The following SVOPL variants were observed in gnomAD, a reference collection of about 807,000 sequenced individuals.
SVOPL encodes SVOP like.
In SVOPL, 60 loss-of-function variants were observed where a neutral mutation model predicts 61.0. The ratio of observed to expected loss-of-function variants is 0.98; its 90% CI spans 0.80 to 1.22. SVOPL has a LOEUF of 1.22. Ranked by LOEUF, SVOPL falls within the 50% of genes most tolerant of loss-of-function variation. The pLI, the probability that SVOPL is intolerant of heterozygous loss-of-function variation, is 0.00. For missense variants in SVOPL, 662 were observed against 643.9 expected, an observed-to-expected ratio of 1.03 and a Z score of -0.30; for synonymous variants, 279 against 250.0, an observed-to-expected ratio of 1.12 and a Z score of -1.09.
At chr7:138,697,138 C>A (rs950972191) in intron 1 of SVOPL, among the ~76,000 whole-genome samples, 1 of 151,996 alleles carries the variant, frequency 6.6e-6, no homozygotes, top group Non-Finnish European at 1.5e-5. Flanking sequence ...TGGGATGCCA[C>A]GGTGGAAGGA....
At chr7:138,648,189 G>C (rs776367881) in intron 8 of SVOPL, among the ~76,000 whole-genome samples, 1 of 152,126 alleles carries the variant, frequency 6.6e-6, no homozygotes, top group South Asian at 2.1e-4. Context: ...CTGAAGGAGA[G>C]AGTGGAGTCA....
intron 14 of SVOPL, among the ~76,000 whole-genome samples, chr7:138,617,888 C>T (rs1424434758): frequency 6.6e-6 from 1 of 152,150 alleles, no homozygotes; most frequent in East Asian, 1.9e-4. Context: ...ACACAATCGG[C>T]ATCTGTGAGT....
intron 14 of SVOPL, among the ~76,000 whole-genome samples, chr7:138,603,955 C>CTTTTTTTT (rs560678707): frequency 1.7e-4 from 19 of 109,234 alleles, no homozygotes; most frequent in South Asian, 3.1e-4. Flanking sequence ...TTAATTTATT[C>CTTTTTTTT]TTTTTTTTTT....
At chr7:138,643,330 C>G (rs374603585) in intron 9 of SVOPL, among the ~76,000 whole-genome samples, 19 of 147,140 alleles carry the variant, frequency 1.3e-4, no homozygotes, top group East Asian at 8.1e-4. Flanking sequence ...GAGGCTGAGG[C>G]AGGAGAATTG....
intron 5 of SVOPL, chr7:138,660,637 C>T (rs978988496): frequency 1.4e-5 from 14 of 985,198 alleles, no homozygotes; most frequent in Middle Eastern, 5.2e-4. Flanking sequence ...AAATAAGCTG[C>T]GATGATATCT....
chr7:138,672,131 G>A lies in SVOPL; in HGVS notation c.175-14C>T. 4 of 1,550,644 alleles carry A rather than the reference G, an allele frequency of 2.6e-6. No individual in the cohort carries two copies. Among genetic ancestry groups the A allele is most frequent in the Non-Finnish European group, 3.5e-6 (4 of 1,146,084 alleles). On this transcript the variant is annotated splice_polypyrimidine_tract_variant and intron_variant, in intron 3 of 15. Coordinates refer to ENST00000674285, the MANE Select transcript of SVOPL (RefSeq NM_001139456.2). ...GGCCTCAACCACCTTAAAGAAGAGG[G>A]ACACCATGCCATGTCTAAGTGCCAG...
chr7:138,602,433 G>A (rs1798563222), intron 14 of SVOPL, among the ~76,000 whole-genome samples: 2 of 140,282 alleles, frequency 1.4e-5, no homozygotes, highest in Admixed American at 1.5e-4. Flanking sequence ...AGTGAGAAAA[G>A]GCAGTTGCTA....
At position 138,672,093 on chromosome 7, in the gene SVOPL, A is replaced by G; in HGVS notation, c.199T>C (p.Leu67=). Residue 67 remains leucine (L), a synonymous_variant, in exon 4 of 16, where the codon TTG becomes CTG. Transcript: ENST00000674285. ...TGVVEAMEIM[L]IAVVSPVIRC... is the part of the protein sequence containing the mutation. Reference sequence around the variant, plus strand: ...ATGACAGGAGACACAACAGCTATCAACATGATCTCCATGGCCTCAACCACC... The same window carrying G: ...ATGACAGGAGACACAACAGCTATCAGCATGATCTCCATGGCCTCAACCACC... 1.3e-6 allele frequency: 2 copies of G among 1,551,696 alleles called. No homozygotes were observed. Among genetic ancestry groups the G allele is most frequent in the South Asian group, 1.2e-5 (1 of 84,058 alleles).
Position 138,654,828 on chromosome 7 carries a change from C to T in SVOPL, c.534+1620G>A, listed in dbSNP as rs190806265. On this transcript the variant is annotated intron_variant, in intron 7 of 15. Transcript: ENST00000674285. ...AACATAGTGAGACCACATCTCCACA[C>T]AACATAGTGAGACCACATTTTCACT... 2.6e-3 allele frequency among the ~76,000 whole-genome samples: 384 copies of T among 150,360 alleles called. 3 individuals carry two copies. Among genetic ancestry groups the T allele is most frequent in the African/African-American group, 8.9e-3 (366 of 40,910 alleles).
chr7:138,605,763 T>C lies in SVOPL; in HGVS notation c.1354-9233A>G, dbSNP rs998503051. Among the ~76,000 whole-genome samples, 9 of 152,090 alleles carry C rather than the reference T, an allele frequency of 5.9e-5. No homozygotes were observed. The South Asian group carries it at 1.0e-3, about 18-fold the overall frequency. On this transcript the variant is annotated intron_variant, in intron 14 of 15. Transcript: ENST00000674285. ...GAATTGATTCAAAAATGACAAATAC[T>C]GTCAAATAAATCTCAATAGTTCACC...
chr7:138,612,414 A>T (rs28688590), intron 14 of SVOPL, among the ~76,000 whole-genome samples: 8,016 of 73,334 alleles, frequency 0.11, 3,380 homozygotes, highest in African/African-American at 0.44. Flanking sequence ...TTAAAAAAAA[A>T]AAAAAAAAAT....
intron 7 of SVOPL, among the ~76,000 whole-genome samples, chr7:138,654,967 G>T (rs1801649213): frequency 6.6e-6 from 1 of 151,178 alleles, no homozygotes; most frequent in Admixed American, 6.6e-5. Flanking sequence ...AAGGCGGGCA[G>T]ATTGCTTGAG....
chr7:138,700,935 C>T (rs527676894), intron 1 of SVOPL, among the ~76,000 whole-genome samples: 2 of 152,264 alleles, frequency 1.3e-5, no homozygotes, highest in African/African-American at 4.8e-5. Flanking sequence ...GACTGATTGA[C>T]ATTTTATTCT....
At chr7:138,608,180 AG>A (rs1798837892) in intron 14 of SVOPL, among the ~76,000 whole-genome samples, 2 of 152,230 alleles carry the variant, frequency 1.3e-5, no homozygotes, top group African/African-American at 4.8e-5. Flanking sequence ...TCAGAAAAAA[AG>A]TCAATTTTTC....
intron 11 of SVOPL, 42 bp downstream of exon 11, chr7:138,628,116 C>T (rs374773057): frequency 3.1e-6 from 5 of 1,609,656 alleles, no homozygotes; most frequent in Non-Finnish European, 4.2e-6. Context: ...TGCACATAGA[C>T]CACCCAAGAC....
chr7:138,659,755 A>C (rs1003086382), intron 6 of SVOPL, 109 bp downstream of exon 6: 2 of 1,088,334 alleles, frequency 1.8e-6, no homozygotes, highest in Non-Finnish European at 2.6e-6. Flanking sequence ...AACCTGTCTC[A>C]GATATGTTGG....
intron 4 of SVOPL, among the ~76,000 whole-genome samples, chr7:138,668,774 T>G (rs1802339874): frequency 6.6e-6 from 1 of 152,192 alleles, no homozygotes; most frequent in Admixed American, 6.5e-5. Flanking sequence ...GCTACTCCTT[T>G]GAGCACAGCC....
chr7:138,596,767 T>C, intron 14 of SVOPL: 2 of 1,170,488 alleles, frequency 1.7e-6, no homozygotes, highest in South Asian at 5.0e-5. Flanking sequence ...AGACCTCTCT[T>C]GGCATCCACC....
At position 138,656,487 on chromosome 7, in the gene SVOPL, C is replaced by T; in HGVS notation, c.495G>A (p.Leu165=). ...SQGLIIKTEF[L]PTKYRGYMLP... ...ACATATAGCCTCGGTATTTCGTGGG[C>T]AAAAATTCAGTCTTTATGATTAACC... The change falls in exon 7 of 16, where the codon TTG becomes TTA. Residue 165 remains leucine, a synonymous_variant. Coordinates refer to ENST00000674285, the MANE Select transcript of SVOPL (RefSeq NM_001139456.2). The T allele has an allele frequency of 6.2e-7, 1 of 1,613,754 alleles. No individual in the cohort carries two copies. The highest frequency in any genetic ancestry group is 1.1e-5 in the South Asian group (1 of 91,044).
Sources: gnomAD v4.1 joint callset for allele counts (sites outside exome capture counted in the v4.1 genomes callset) on GRCh38, gnomAD v4.1.1 for gene constraint, MANE v1.5 for transcripts, NCBI Gene and HGNC (gene_info 2026-07-23, HGNC 2026-07-21) for gene names.